Variants in TXN observed in about 807,000 individuals in gnomAD.
TXN encodes the protein thioredoxin, also known as ADF.
TXN carries 10 observed loss-of-function variants against 16.5 expected under a neutral mutation model. The observed-to-expected ratio is 0.61, with a 90% confidence interval of 0.37 to 1.03. The LOEUF (loss-of-function observed/expected upper bound fraction) is 1.03, where lower values mean the gene tolerates loss of function less well. Ranked by LOEUF, TXN falls within the 50% of genes least tolerant of loss-of-function variation. The pLI, the probability that TXN is intolerant of heterozygous loss-of-function variation, is 0.01. For synonymous variants in TXN, 35 were observed against 39.4 expected, an observed-to-expected ratio of 0.89 and a Z score of 0.42; for missense variants, 71 against 122.5, an observed-to-expected ratio of 0.58 and a Z score of 1.98.
chr9:110,245,325 T>TAAAAAGTCTA (rs1029178291), intron 3 of TXN, among the ~76,000 whole-genome samples: 3 of 151,780 alleles, frequency 2.0e-5, no homozygotes, highest in African/African-American at 7.3e-5. Context: ...ATATAAAGGC[T>TAAAAAGTCTA]AAAAAGTCTA....
At chr9:110,245,649 TATA>T (rs1345310259) in intron 3 of TXN, among the ~76,000 whole-genome samples, 117 of 24,012 alleles carry the variant, frequency 4.9e-3, no homozygotes, top group African/African-American at 8.6e-3. Flanking sequence ...TATATATATA[TATA>T]TATTTTTTTT....
chr9:110,251,138 A>G (rs1837728254), intron 2 of TXN, among the ~76,000 whole-genome samples: 1 of 152,208 alleles, frequency 6.6e-6, no homozygotes, highest in South Asian at 2.1e-4. Context: ...GGAAAAAAAG[A>G]ACTATTTAAG....
At chr9:110,251,020 T>C (rs1333947338) in intron 2 of TXN, 141 bp from the exon 3 acceptor site, 10 of 659,072 alleles carry the variant, frequency 1.5e-5, no homozygotes, top group Non-Finnish European at 2.6e-5. Context: ...GAGACATAGA[T>C]CTAAGAGACA....
intron 3 of TXN, among the ~76,000 whole-genome samples, chr9:110,248,397 A>T (rs1021392787): frequency 6.6e-6 from 1 of 152,170 alleles, no homozygotes; most frequent in Non-Finnish European, 1.5e-5. Context: ...TTCTATGTTT[A>T]GATACACAAA....
At chr9:110,255,392 G>T (rs1837796279) in intron 1 of TXN, among the ~76,000 whole-genome samples, 2 of 152,242 alleles carry the variant, frequency 1.3e-5, no homozygotes. Context: ...CAGTCTACAA[G>T]GTTTTAGGCT....
In TXN at chr9:110,250,892, A is replaced by T; in HGVS notation, c.130-13T>A. ...TTTCAGAGAGGGACTGGAAAATTTA[A>T]AATGAAAAATCCAAAAAGATTTAGA... On this transcript the variant is annotated splice_polypyrimidine_tract_variant and intron_variant, in intron 2 of 4. Coordinates refer to ENST00000374517, the MANE Select transcript of TXN (RefSeq NM_003329.4). 1 of 1,603,452 alleles carries T rather than the reference A, an allele frequency of 6.2e-7. No individual in the cohort carries two copies. Among genetic ancestry groups the T allele is most frequent in the African/African-American group, 1.3e-5 (1 of 74,586 alleles).
At chr9:110,246,480 A>G (rs188792583) in intron 3 of TXN, among the ~76,000 whole-genome samples, 14 of 152,338 alleles carry the variant, frequency 9.2e-5, no homozygotes, top group African/African-American at 3.1e-4. Context: ...GGAGCCCAAT[A>G]GAGATTGAAA....
chr9:110,255,392 G>A (rs1837796279), intron 1 of TXN, among the ~76,000 whole-genome samples: 1 of 152,242 alleles, frequency 6.6e-6, no homozygotes, highest in South Asian at 2.1e-4. Context: ...CAGTCTACAA[G>A]GTTTTAGGCT....
intron 1 of TXN, among the ~76,000 whole-genome samples, chr9:110,255,799 G>A (rs1837801658): frequency 6.6e-6 from 1 of 152,204 alleles, no homozygotes; most frequent in South Asian, 2.1e-4. Flanking sequence ...TCACCTTTGG[G>A]GTCGGGCATG....
chr9:110,245,642 ATATATATATATATTTTTTTT>A (rs1362091316), intron 3 of TXN, among the ~76,000 whole-genome samples: 1 of 29,648 alleles, frequency 3.4e-5, no homozygotes, highest in Admixed American at 4.0e-4. Flanking sequence ...ATATATATAT[ATATATATATATATTTTTTTT>A]TTTTTTTTTT....
chr9:110,255,678 G>A (rs978205211), intron 1 of TXN, among the ~76,000 whole-genome samples: 3 of 152,194 alleles, frequency 2.0e-5, no homozygotes, highest in South Asian at 2.1e-4. Context: ...GGCGCGGCCC[G>A]GACCTCACTT....
intron 3 of TXN, among the ~76,000 whole-genome samples, chr9:110,247,479 T>C (rs1025933440): frequency 6.6e-6 from 1 of 152,162 alleles, no homozygotes; most frequent in African/African-American, 2.4e-5. Context: ...ATATATGTGG[T>C]GGTCCCATAA....
intron 1 of TXN, among the ~76,000 whole-genome samples, chr9:110,251,987 A>G (rs910291759): frequency 1.3e-5 from 2 of 152,106 alleles, no homozygotes; most frequent in African/African-American, 4.8e-5. Flanking sequence ...GCACTTTGGG[A>G]GGCCGAGGTG....
intron 3 of TXN, among the ~76,000 whole-genome samples, chr9:110,245,618 C>CACACTA (rs1425530609): frequency 6.5e-5 from 2 of 30,890 alleles, no homozygotes; most frequent in African/African-American, 1.4e-4. Context: ...CACACACACA[C>CACACTA]TATATATATA....
In TXN at chr9:110,256,039, G is replaced by C. The variant is rs1246527350; in HGVS notation, c.24+373C>G. On this transcript the variant is annotated intron_variant, in intron 1 of 4. Coordinates refer to ENST00000374517, the MANE Select transcript of TXN (RefSeq NM_003329.4). The surrounding 1 kb of genome is among the most constrained non-coding windows in gnomAD (Gnocchi z 4.2). ...TTCCTCCAGTCGGGGCTGCCCGGAC[G>C]GGAGGGTGCAGGAGGCGCAGCGTGG... Among the ~76,000 whole-genome samples the C allele has an allele frequency of 6.6e-6, 1 of 152,176 alleles. No individual in the cohort carries two copies. Among genetic ancestry groups the C allele is most frequent in the Non-Finnish European group, 1.5e-5 (1 of 68,010 alleles).
chr9:110,251,586 CAAAAAAAAAA>C (rs5899890), intron 1 of TXN, 124 bp from the exon 2 acceptor site: 57 of 56,316 alleles, frequency 1.0e-3, no homozygotes, highest in South Asian at 4.1e-3. Context: ...ACTTTTTAGC[CAAAAAAAAAA>C]AAAAAAAAAA....
intron 1 of TXN, among the ~76,000 whole-genome samples, chr9:110,252,050 G>A (rs1308269457): frequency 6.6e-6 from 1 of 151,784 alleles, no homozygotes; most frequent in Non-Finnish European, 1.5e-5. Flanking sequence ...ATGGTGAAAT[G>A]CTGTCTCTAC....
Position 110,256,500 on chromosome 9 carries a change from A to C in TXN, c.-65T>G, listed in dbSNP as rs1052361139. ...TGGAAATGGATCCAAAGCACCAAAC[A>C]GAGCTTCAAGACTCGCTGCTTGCTC... is the stretch of plus-strand genomic sequence containing the variant. On this transcript the variant is annotated 5_prime_UTR_variant, in exon 1 of 5. Transcript: ENST00000374517. This position sits in a 1 kb window ranked among gnomAD's most constrained non-coding sequence, Gnocchi z 4.2. 8 of 1,536,950 alleles carry C rather than the reference A, an allele frequency of 5.2e-6. No homozygotes were observed. The highest frequency in any genetic ancestry group is 1.9e-5 in the Admixed American group (1 of 53,880).
chr9:110,247,791 T>C (rs1394590865), intron 3 of TXN, among the ~76,000 whole-genome samples: 1 of 152,184 alleles, frequency 6.6e-6, no homozygotes, highest in Admixed American at 6.5e-5. Flanking sequence ...CTCCTACTTA[T>C]TTTTTTAAAA....
Sources: gnomAD v4.1 joint callset for allele counts (sites outside exome capture counted in the v4.1 genomes callset) on GRCh38, gnomAD v4.1.1 for gene constraint, Gnocchi (gnomAD v3.1) non-coding constraint, MANE v1.5 for transcripts, NCBI Gene and HGNC (gene_info 2026-07-23, HGNC 2026-07-21) for gene names.